Variants in MAGED1 observed in about 807,000 individuals in gnomAD.
MAGED1 encodes MAGE family member D1.
A neutral mutation model predicts 54.1 loss-of-function variants in MAGED1; 3 were observed. The observed-to-expected ratio is 0.06, with a 90% CI of 0.03 to 0.14. The LOEUF is 0.14. Ranked by LOEUF, MAGED1 falls within the 10% of genes least tolerant of loss-of-function variation. MAGED1 has a pLI of 1.00. For synonymous variants in MAGED1, 217 were observed against 227.3 expected, an observed-to-expected ratio of 0.95 and a Z score of 0.41; for missense variants, 485 against 623.4, an observed-to-expected ratio of 0.78 and a Z score of 2.36.
At chrX:51,811,552 G>A (rs73204553) in intron 1 of MAGED1, among the ~76,000 whole-genome samples, 95 of 111,476 alleles carry the variant, frequency 8.5e-4, no homozygotes, top group Middle Eastern at 4.7e-3. Flanking sequence ...AGGAGGTGAA[G>A]GGGTGTTCTA....
At chrX:51,831,760 C>T (rs952690361) in intron 1 of MAGED1, among the ~76,000 whole-genome samples, 15 of 111,363 alleles carry the variant, frequency 1.3e-4, no homozygotes, top group Non-Finnish European at 2.8e-4. Flanking sequence ...ACAGAGTTTC[C>T]AAAAGATAAA....
rs781830106 is a variant in MAGED1, at chrX:51,827,361, TC to T, written c.-37+24245del. On this transcript the variant is annotated intron_variant, in intron 1 of 12. Coordinates refer to the MAGED1 transcript ENST00000375772. ...CAAAACTATGGAGACAGTAAAAAGA[TC>T]AGTGGCTTCCAGGGTTTGGGGGTTG... is the stretch of plus-strand genomic sequence containing the variant. 1.3e-3 allele frequency among the ~76,000 whole-genome samples: 143 copies of T among 112,167 alleles called. 1 individual carries two copies. Among genetic ancestry groups the T allele is most frequent in the Non-Finnish European group, 2.3e-3 (124 of 53,197 alleles).
At chrX:51,877,280 G>A (rs1184336622) in intron 1 of MAGED1, among the ~76,000 whole-genome samples, 1 of 111,173 alleles carries the variant, frequency 9.0e-6, no homozygotes, top group Non-Finnish European at 1.9e-5. Flanking sequence ...AAGAAACGCT[G>A]AGAGTATCTT....
chrX:51,861,417 A>G (rs1399136288), intron 1 of MAGED1, among the ~76,000 whole-genome samples: 1 of 111,799 alleles, frequency 8.9e-6, no homozygotes, highest in African/African-American at 3.2e-5. Flanking sequence ...TTATCTAAAT[A>G]CCATTATTTC....
chrX:51,870,415 C>G (rs1927627960), intron 1 of MAGED1, among the ~76,000 whole-genome samples: 1 of 111,314 alleles, frequency 9.0e-6, no homozygotes, highest in Admixed American at 9.5e-5. Flanking sequence ...TGTTGTTGTT[C>G]TTTGGGGATC....
chrX:51,885,969 T>C (rs1176285653), intron 1 of MAGED1, among the ~76,000 whole-genome samples: 1 of 110,366 alleles, frequency 9.1e-6, no homozygotes, highest in Non-Finnish European at 1.9e-5. Context: ...GCCTGTCATT[T>C]GCAGCAACAT....
upstream of MAGED1, among the ~76,000 whole-genome samples, chrX:51,890,913 A>T (rs782173435): frequency 3.6e-5 from 4 of 110,937 alleles, no homozygotes; most frequent in Non-Finnish European, 7.6e-5. Context: ...AAATAAAGAC[A>T]AACATTAATT....
At chrX:51,814,080 C>T (rs1925318228) in intron 1 of MAGED1, among the ~76,000 whole-genome samples, 1 of 111,184 alleles carries the variant, frequency 9.0e-6, no homozygotes, top group Non-Finnish European at 1.9e-5. Context: ...CTCAATTAGG[C>T]TCTGACCCTG....
chrX:51,841,533 T>C (rs1926486561), intron 1 of MAGED1, among the ~76,000 whole-genome samples: 1 of 111,742 alleles, frequency 8.9e-6, no homozygotes, highest in Admixed American at 9.5e-5. Context: ...TGAATGGTAT[T>C]GCCTAAGTTT....
At chrX:51,829,768 A>T (rs1257407163) in intron 1 of MAGED1, among the ~76,000 whole-genome samples, 1 of 112,030 alleles carries the variant, frequency 8.9e-6, no homozygotes, top group African/African-American at 3.2e-5. Flanking sequence ...ATGAAATGTC[A>T]CTTTTAACAT....
intron 3 of MAGED1, 109 bp downstream of exon 3, chrX:51,895,869 A>AT: frequency 1.6e-6 from 1 of 607,060 alleles, no homozygotes; most frequent in Non-Finnish European, 2.5e-6. Context: ...CAGCTAGGCT[A>AT]TAGGGCATTT....
At chrX:51,858,211 G>A (rs963471904) in intron 1 of MAGED1, 1 of 112,158 alleles carries the variant, frequency 8.9e-6, no homozygotes, top group East Asian at 2.8e-4. Context: ...CCAAAGAAAT[G>A]AGGTGGAAAA....
upstream of MAGED1, among the ~76,000 whole-genome samples, chrX:51,890,869 T>C (rs1448816300): frequency 9.4e-6 from 1 of 106,866 alleles, no homozygotes; most frequent in African/African-American, 3.4e-5. Flanking sequence ...TTGTAGAGTA[T>C]GTCAGTCTTA....
chrX:51,892,885 G>T (rs1557363632), upstream of MAGED1, among the ~76,000 whole-genome samples: 1 of 111,084 alleles, frequency 9.0e-6, no homozygotes, highest in African/African-American at 3.3e-5. Flanking sequence ...CTGCAAAATA[G>T]GGGTGCTGAC....
chrX:51,810,252 C>A (rs1245414215), intron 1 of MAGED1, among the ~76,000 whole-genome samples: 5 of 111,064 alleles, frequency 4.5e-5, no homozygotes, highest in African/African-American at 1.6e-4. Flanking sequence ...TGCCCCACCC[C>A]TGGAATTAGC....
chrX:51,841,461 T>G (rs1418565268), intron 1 of MAGED1, among the ~76,000 whole-genome samples: 7 of 111,042 alleles, frequency 6.3e-5, no homozygotes, highest in African/African-American at 2.0e-4. Flanking sequence ...TTGTCAATTT[T>G]GGCTTTTGTT....
At chrX:51,847,428 C>T (rs1352600082) in intron 1 of MAGED1, among the ~76,000 whole-genome samples, 1 of 111,411 alleles carries the variant, frequency 9.0e-6, no homozygotes, top group Non-Finnish European at 1.9e-5. Flanking sequence ...TTTTTAACTG[C>T]TATATAGTAT....
chrX:51,849,859 AT>A (rs1926821234), intron 1 of MAGED1, among the ~76,000 whole-genome samples: 1 of 111,570 alleles, frequency 9.0e-6, no homozygotes, highest in Non-Finnish European at 1.9e-5. Context: ...TTTGTGAATA[AT>A]TTTTTTCCCT....
intron 1 of MAGED1, among the ~76,000 whole-genome samples, chrX:51,819,521 A>C (rs1456652545): frequency 9.0e-6 from 1 of 110,788 alleles, no homozygotes; most frequent in Non-Finnish European, 1.9e-5. Context: ...GTAGTACCTG[A>C]TTGAGGTTCT....
Sources: gnomAD v4.1 joint callset for allele counts (sites outside exome capture counted in the v4.1 genomes callset) on GRCh38, gnomAD v4.1.1 for gene constraint, MANE v1.5 for transcripts, NCBI Gene and HGNC (gene_info 2026-07-23, HGNC 2026-07-21) for gene names.